Variants in CDK14 observed in about 807,000 individuals in gnomAD.
The protein encoded by CDK14 is cyclin-dependent kinase 14.
CDK14 carries 34 observed loss-of-function variants against 60.7 expected under a neutral mutation model. The ratio of observed to expected loss-of-function variants is 0.56; its 90% CI spans 0.43 to 0.75. CDK14 has a LOEUF of 0.75. Ranked by LOEUF, CDK14 falls within the 30% of genes least tolerant of loss-of-function variation. The pLI, the probability that CDK14 is intolerant of heterozygous loss-of-function variation, is 0.00. For synonymous variants in CDK14, 197 were observed against 203.7 expected (o/e 0.97, Z 0.28); for missense variants, 482 against 564.1 (o/e 0.85, Z 1.47).
At chr7:90,716,122 C>T (rs1319828531) in intron 2 of CDK14, among the ~76,000 whole-genome samples, 1 of 151,768 alleles carries the variant, frequency 6.6e-6, no homozygotes, top group African/African-American at 2.4e-5. Flanking sequence ...CTCTTGTTGA[C>T]CTTTTTGGGA....
intron 10 of CDK14, among the ~76,000 whole-genome samples, chr7:91,000,905 G>T (rs1250482120): frequency 6.6e-6 from 1 of 152,126 alleles, no homozygotes; most frequent in East Asian, 1.9e-4. Context: ...ATTCATATTT[G>T]TATGGTCTTC....
chr7:91,098,105 A>C (rs1799048831), intron 12 of CDK14, among the ~76,000 whole-genome samples: 1 of 152,224 alleles, frequency 6.6e-6, no homozygotes, highest in Admixed American at 6.5e-5. Context: ...GTCTTAATCC[A>C]ATTCTTGCTT....
At chr7:91,198,415 G>A (rs1802619063) in intron 14 of CDK14, among the ~76,000 whole-genome samples, 1 of 152,202 alleles carries the variant, frequency 6.6e-6, no homozygotes, top group South Asian at 2.1e-4. Context: ...GGATGCAAGG[G>A]CAAAATGCTC....
intron 14 of CDK14, among the ~76,000 whole-genome samples, chr7:91,145,070 G>T (rs922865448): frequency 2.0e-5 from 3 of 152,162 alleles, no homozygotes; most frequent in Non-Finnish European, 4.4e-5. Context: ...AGCCATGAGT[G>T]TTTCAGGTAT....
intron 4 of CDK14, among the ~76,000 whole-genome samples, chr7:90,765,976 CTAA>C (rs1370609910): frequency 6.6e-6 from 1 of 152,066 alleles, no homozygotes; most frequent in African/African-American, 2.4e-5. Flanking sequence ...GTTTCTTTTT[CTAA>C]TAATGTGTAG....
At chr7:90,847,338 C>A (rs940663074) in intron 5 of CDK14, among the ~76,000 whole-genome samples, 15 of 151,862 alleles carry the variant, frequency 9.9e-5, no homozygotes, top group African/African-American at 3.6e-4. Context: ...TAAATAAGTA[C>A]CTGCCTTAGA....
At chr7:90,882,759 A>G (rs965993869) in intron 6 of CDK14, among the ~76,000 whole-genome samples, 5 of 152,234 alleles carry the variant, frequency 3.3e-5, no homozygotes, top group African/African-American at 1.2e-4. Context: ...ACCACAATGC[A>G]ATCAAATTAG....
intron 12 of CDK14, among the ~76,000 whole-genome samples, chr7:91,096,065 C>CAAAAAAAAAA (rs112016367): frequency 4.6e-5 from 3 of 64,552 alleles, no homozygotes; most frequent in Non-Finnish European, 8.0e-5. Flanking sequence ...CACAATTTGC[C>CAAAAAAAAAA]AAAAAAAAAA....
chr7:90,852,853 A>C (rs1193307401), intron 5 of CDK14, among the ~76,000 whole-genome samples: 1 of 152,186 alleles, frequency 6.6e-6, no homozygotes, highest in Non-Finnish European at 1.5e-5. Context: ...CAGGCCTAGG[A>C]GGATGACTGC....
rs1554425353 is a variant in CDK14, at chr7:91,091,501, T to TTATATATATATG, written c.1154+12032_1154+12033insGTATATATATAT. On this transcript the variant is annotated intron_variant, in intron 12 of 14. Coordinates refer to ENST00000380050, the MANE Select transcript of CDK14 (RefSeq NM_001287135.2). Reference sequence around the variant, plus strand: ...TATATGTATATGTAGTTTATATATTTTATATATATATATATAAATTAGCCA... The same window carrying TTATATATATATG: ...TATATGTATATGTAGTTTATATATTTTATATATATATGTATATATATATATATAAATTAGCCA... Among the ~76,000 whole-genome samples the TTATATATATATG allele has an allele frequency of 1.0e-4, 9 of 88,988 alleles. 1 individual carries two copies. Among genetic ancestry groups the TTATATATATATG allele is most frequent in the East Asian group, 7.9e-4 (2 of 2,520 alleles). 58.4% of individuals were successfully genotyped at this position (88,988 alleles called of 152,430 possible).
intron 2 of CDK14, among the ~76,000 whole-genome samples, chr7:90,662,125 A>T (rs1800875879): frequency 6.6e-6 from 1 of 152,236 alleles, no homozygotes; most frequent in Non-Finnish European, 1.5e-5. Flanking sequence ...TACTTTGAGG[A>T]ACACTTTCAC....
In CDK14 at chr7:90,882,396, A is replaced by G. The variant is rs370799778; in HGVS notation, c.640-16895A>G. Among the ~76,000 whole-genome samples the G allele has an allele frequency of 2.4e-4, 36 of 152,328 alleles. 1 individual carries two copies. In the South Asian group the frequency reaches 4.8e-3, roughly 20 times the overall value. ...AACAACTCAAAAAGAACAGCTAACT[A>G]TATTCTAAATATGTATGTACCCAAT... On this transcript the variant is annotated intron_variant, in intron 6 of 14. Transcript: ENST00000380050.
At chr7:91,060,656 T>G (rs992655338) in intron 11 of CDK14, among the ~76,000 whole-genome samples, 1 of 152,216 alleles carries the variant, frequency 6.6e-6, no homozygotes, top group African/African-American at 2.4e-5. Context: ...CCTTCACTTA[T>G]GAAACTTAGT....
At chr7:90,844,516 A>C (rs1790399606) in intron 5 of CDK14, among the ~76,000 whole-genome samples, 1 of 152,164 alleles carries the variant, frequency 6.6e-6, no homozygotes, top group South Asian at 2.1e-4. Flanking sequence ...CTCTGAAATG[A>C]AATATGAAGC....
At chr7:90,826,323 A>G (rs968592175) in intron 5 of CDK14, among the ~76,000 whole-genome samples, 2 of 152,004 alleles carry the variant, frequency 1.3e-5, no homozygotes, top group Non-Finnish European at 2.9e-5. Flanking sequence ...GGTTCAAGCA[A>G]TTCTCCTGCC....
At chr7:90,609,539 C>T (rs1318783824) in intron 2 of CDK14, among the ~76,000 whole-genome samples, 1 of 152,072 alleles carries the variant, frequency 6.6e-6, no homozygotes, top group East Asian at 1.9e-4. Flanking sequence ...TGTAGCACCT[C>T]CCCCTTCGCT....
At position 91,058,292 on chromosome 7, in the gene CDK14, T is replaced by TA. The variant is rs989147803; in HGVS notation, c.1105+12334dup. 8.4e-3 allele frequency among the ~76,000 whole-genome samples: 1,279 copies of TA among 152,262 alleles called. 19 individuals are homozygous for TA. Among genetic ancestry groups the TA allele is most frequent in the African/African-American group, 0.029 (1,216 of 41,506 alleles). Reference sequence around the variant, plus strand: ...ACTTTGCTGAAGTTGCTTATCAGCTTAAGGAGATTTTGGGCTGAGACGATG... The same window carrying TA: ...ACTTTGCTGAAGTTGCTTATCAGCTTAAAGGAGATTTTGGGCTGAGACGATG... On this transcript the variant is annotated intron_variant, in intron 11 of 14. Coordinates refer to ENST00000380050, the MANE Select transcript of CDK14 (RefSeq NM_001287135.2).
At chr7:90,791,409 A>G (rs1183244764) in intron 5 of CDK14, among the ~76,000 whole-genome samples, 3 of 152,098 alleles carry the variant, frequency 2.0e-5, no homozygotes, top group African/African-American at 7.2e-5. Context: ...TCTTGACATA[A>G]GACTTCAGTT....
At chr7:91,201,845 G>A (rs1232899915) in intron 14 of CDK14, among the ~76,000 whole-genome samples, 2 of 152,176 alleles carry the variant, frequency 1.3e-5, no homozygotes, top group African/African-American at 4.8e-5. Context: ...AGCACTCCTT[G>A]CTTATGCCTC....
Sources: allele counts gnomAD v4.1 joint callset (sites outside exome capture counted in the v4.1 genomes callset), GRCh38; gene constraint gnomAD v4.1.1; transcripts MANE v1.5; gene names NCBI Gene and HGNC (gene_info 2026-07-23, HGNC 2026-07-21).